MRPL45: variants seen among roughly 807,000 people sequenced by gnomAD.
MRPL45 encodes the protein mitochondrial ribosomal protein L45, also known as large ribosomal subunit protein mL45.
A neutral mutation model predicts 38.1 loss-of-function variants in MRPL45; 20 were observed. The ratio of observed to expected loss-of-function variants is 0.53; its 90% CI spans 0.37 to 0.76. The LOEUF is 0.76. Ranked by LOEUF, MRPL45 falls within the 30% of genes least tolerant of loss-of-function variation. The probability of loss-of-function intolerance (pLI) is 0.00; values close to 1 mark genes in which losing one functional copy is unlikely to be tolerated. For synonymous variants in MRPL45, 105 were observed against 128.8 expected, an observed-to-expected ratio of 0.82 and a Z score of 1.25; for missense variants, 337 against 395.6, an observed-to-expected ratio of 0.85 and a Z score of 1.26.
At chr17:38,322,433 T>TG in intron 7 of MRPL45, 76 bp from the exon 8 acceptor site, 3 of 850,894 alleles carry the variant, frequency 3.5e-6, no homozygotes, top group Admixed American at 4.2e-5. Flanking sequence ...GGTGGGTGGG[T>TG]GGGAGCAAGG....
At chr17:38,313,142 A>G (rs183225749) in intron 4 of MRPL45, among the ~76,000 whole-genome samples, 140,168 of 148,874 alleles carry the variant, frequency 0.94, 66,047 homozygotes, top group East Asian at 1. Context: ...CTGCCACCAC[A>G]CCCGGCTAAT....
chr17:38,298,929 C>T (rs2036964117), intron 2 of MRPL45, among the ~76,000 whole-genome samples: 1 of 151,848 alleles, frequency 6.6e-6, no homozygotes, highest in Non-Finnish European at 1.5e-5. Flanking sequence ...GAGACAGAGT[C>T]TCGTTCTGTC....
At chr17:38,320,051 C>T (rs1009712074) in intron 5 of MRPL45, among the ~76,000 whole-genome samples, 1 of 152,044 alleles carries the variant, frequency 6.6e-6, no homozygotes, top group Non-Finnish European at 1.5e-5. Flanking sequence ...TGCAGTGAGC[C>T]GAGACCGCGC....
At chr17:38,316,159 A>G (rs1597654425) in intron 4 of MRPL45, among the ~76,000 whole-genome samples, 1 of 151,976 alleles carries the variant, frequency 6.6e-6, no homozygotes, top group Non-Finnish European at 1.5e-5. Context: ...ATACTTGATG[A>G]TGTCCCACAG....
intron 3 of MRPL45, among the ~76,000 whole-genome samples, chr17:38,302,116 CAAA>C (rs67699213): frequency 2.6e-5 from 2 of 75,594 alleles, no homozygotes; most frequent in African/African-American, 5.4e-5. Flanking sequence ...GACTCCGTCT[CAAA>C]AAAAAAAAAA....
At position 38,306,607 on chromosome 17, in the gene MRPL45, T is replaced by C. The variant is rs200187779; in HGVS notation, c.437T>C (p.Ile146Thr). The change falls in exon 4 of 8, where the codon ATT (isoleucine) becomes ACT (threonine). Residue 146 changes from isoleucine to threonine, a missense_variant. This residue lies in a region of MRPL45 where 251 missense variants were observed against 269.1 expected (regional missense o/e 0.93). Transcript: ENST00000613675. ...CCTGAAAAAGCTAAGGATATCTTTA[T>C]TGAAGCTCACCTTTGTCTAAATAAG... ...DFPEKAKDIF[I>T]EAHLCLNNSD... is the part of the protein sequence containing the mutation. 3.8e-5 allele frequency: 62 copies of C among 1,613,424 alleles called. No homozygotes were observed. The Admixed American group carries it at 5.3e-4, about 14-fold the overall frequency.
At chr17:38,306,276 G>A (rs997785592) in intron 3 of MRPL45, among the ~76,000 whole-genome samples, 1 of 151,974 alleles carries the variant, frequency 6.6e-6, no homozygotes, top group Non-Finnish European at 1.5e-5. Context: ...GCGTGTGGTC[G>A]CGGGCGCCTG....
intron 5 of MRPL45, among the ~76,000 whole-genome samples, chr17:38,319,139 C>G (rs1395496722): frequency 6.6e-6 from 1 of 151,686 alleles, no homozygotes; most frequent in East Asian, 1.9e-4. Context: ...GGGTTCACGC[C>G]ATTCTCCTGC....
At chr17:38,318,785 C>A in intron 5 of MRPL45, 50 bp downstream of exon 5, 4 of 1,232,968 alleles carry the variant, frequency 3.2e-6, no homozygotes, top group Non-Finnish European at 3.5e-6. Context: ...TGGGCAGATT[C>A]TAGATGGCGT....
At chr17:38,308,992 C>T (rs937390809) in intron 4 of MRPL45, among the ~76,000 whole-genome samples, 3 of 151,744 alleles carry the variant, frequency 2.0e-5, no homozygotes, top group South Asian at 2.1e-4. Context: ...CTGCAACCTC[C>T]GCCTCCCAGT....
intron 3 of MRPL45, among the ~76,000 whole-genome samples, chr17:38,305,141 G>A (rs145935059): frequency 0.064 from 9,298 of 146,370 alleles, 910 homozygotes; most frequent in African/African-American, 0.21. Context: ...CACTGCACCC[G>A]GCCTGTCTTT....
At chr17:38,301,868 AGC>A (rs1398243241) in intron 3 of MRPL45, among the ~76,000 whole-genome samples, 1 of 152,170 alleles carries the variant, frequency 6.6e-6, no homozygotes, top group Non-Finnish European at 1.5e-5. Flanking sequence ...CTGTAATCCC[AGC>A]GCTTTGGGAT....
At position 38,322,668 on chromosome 17, in the gene MRPL45, C is replaced by T; in HGVS notation, c.*73C>T. ...AAGCTTTGAAGTCTCCCATTCCCCT[C>T]ATGCTATAAAAAGAACTACCTTTGT... On this transcript the variant is annotated 3_prime_UTR_variant, in exon 8 of 8. Coordinates refer to ENST00000613675, the MANE Select transcript of MRPL45 (RefSeq NM_032351.6). 1 of 1,171,068 alleles carries T rather than the reference C, an allele frequency of 8.5e-7. No homozygotes were observed. The highest frequency in any genetic ancestry group is 1.3e-5 in the South Asian group (1 of 75,258). 72.5% of individuals were successfully genotyped at this position (1,171,068 alleles called of 1,614,324 possible). A position where few individuals can be genotyped will look rare whatever the true frequency, so the allele number is the denominator to read the frequency against.
At chr17:38,304,949 T>A (rs1353030245) in intron 3 of MRPL45, among the ~76,000 whole-genome samples, 1 of 150,732 alleles carries the variant, frequency 6.6e-6, no homozygotes, top group African/African-American at 2.4e-5. Flanking sequence ...TGGGTTCAAG[T>A]GATTCTTCTG....
At chr17:38,317,016 T>G (rs1052737271) in intron 4 of MRPL45, among the ~76,000 whole-genome samples, 4 of 152,118 alleles carry the variant, frequency 2.6e-5, no homozygotes, top group Non-Finnish European at 1.5e-5. Context: ...CAGGATGGTC[T>G]TGATCTCCTG....
At chr17:38,307,554 A>C (rs572923226) in intron 4 of MRPL45, among the ~76,000 whole-genome samples, 1 of 152,054 alleles carries the variant, frequency 6.6e-6, no homozygotes, top group African/African-American at 2.4e-5. Context: ...TGTGTTGCCT[A>C]GACTGGTCTC....
intron 3 of MRPL45, among the ~76,000 whole-genome samples, chr17:38,305,934 C>T (rs1245591061): frequency 5.9e-5 from 9 of 151,906 alleles, no homozygotes; most frequent in Admixed American, 4.6e-4. Flanking sequence ...TGAGCCACCG[C>T]GCCTGGCCTA....
At chr17:38,312,056 T>A (rs1436861252) in intron 4 of MRPL45, among the ~76,000 whole-genome samples, 1 of 151,426 alleles carries the variant, frequency 6.6e-6, no homozygotes, top group Non-Finnish European at 1.5e-5. Flanking sequence ...TATCTTTTTT[T>A]TTTTTTTGAG....
intron 3 of MRPL45, among the ~76,000 whole-genome samples, chr17:38,299,877 C>G (rs997614501): frequency 6.7e-6 from 1 of 150,154 alleles, no homozygotes; most frequent in African/African-American, 2.5e-5. Flanking sequence ...GCTGGGATTA[C>G]AGGCATGTGC....
Sources: gnomAD v4.1 joint callset for allele counts (sites outside exome capture counted in the v4.1 genomes callset) on GRCh38, gnomAD v4.1.1 for gene constraint, gnomAD v4.1.1 regional missense constraint, MANE v1.5 for transcripts, NCBI Gene and HGNC (gene_info 2026-07-23, HGNC 2026-07-21) for gene names.